SPAM1: variants seen among roughly 807,000 people sequenced by gnomAD.
SPAM1 encodes the protein sperm adhesion molecule 1.
In SPAM1, 22 loss-of-function variants were observed where a neutral mutation model predicts 29.6. The observed-to-expected ratio is 0.74, with a 90% CI of 0.53 to 1.06. The LOEUF (loss-of-function observed/expected upper bound fraction) is 1.06, where lower values mean the gene tolerates loss of function less well. Among genes scored for constraint, SPAM1 ranks in the 50% least tolerant of loss-of-function variants. The pLI is 0.00. For synonymous variants in SPAM1, 194 were observed against 204.6 expected, an observed-to-expected ratio of 0.95 and a Z score of 0.44; for missense variants, 534 against 604.0, an observed-to-expected ratio of 0.88 and a Z score of 1.21.
chr7:123,929,911 T>G (rs1808016622), intron 1 of SPAM1, among the ~76,000 whole-genome samples: 1 of 150,528 alleles, frequency 6.6e-6, no homozygotes, highest in African/African-American at 2.4e-5. Context: ...TTTTTTTTTT[T>G]TTTTGAGGAG....
intron 1 of SPAM1, among the ~76,000 whole-genome samples, chr7:123,935,559 G>A (rs773252221): frequency 3.9e-5 from 6 of 152,158 alleles, no homozygotes; most frequent in Non-Finnish European, 8.8e-5. Context: ...GGTATTTACA[G>A]ACATTGCTTA....
intron 1 of SPAM1, among the ~76,000 whole-genome samples, chr7:123,937,079 T>C (rs1808263182): frequency 6.6e-6 from 1 of 152,210 alleles, no homozygotes; most frequent in African/African-American, 2.4e-5. Flanking sequence ...TTAATGTTCT[T>C]AGGCTAGGGG....
At chr7:123,944,994 T>A (rs912439275) in intron 1 of SPAM1, among the ~76,000 whole-genome samples, 1 of 151,800 alleles carries the variant, frequency 6.6e-6, no homozygotes, top group Non-Finnish European at 1.5e-5. Flanking sequence ...TCATATAAAA[T>A]TTTTTTTTCT....
At chr7:123,954,938 C>G in intron 3 of SPAM1, 59 bp from the exon 4 acceptor site, 3 of 1,112,220 alleles carry the variant, frequency 2.7e-6, no homozygotes, top group Non-Finnish European at 4.1e-6. Flanking sequence ...CGTTGCTGTC[C>G]TATGTATAGC....
At position 123,966,253 on chromosome 7, in the gene SPAM1, T is replaced by TA. The variant is rs533825766; in HGVS notation, c.1486-3940dup. ...TCACACCAGTCAGAATGGCAATTAT[T>TA]AAAAAGTCAAGAAACAACAGATGCT... On this transcript the variant is annotated intron_variant, in intron 5 of 6. Coordinates refer to the SPAM1 transcript ENST00000340011. 2.5e-3 allele frequency among the ~76,000 whole-genome samples: 375 copies of TA among 152,080 alleles called. 1 individual carries two copies. The highest frequency in any genetic ancestry group is 8.5e-3 in the African/African-American group (351 of 41,538).
At chr7:123,970,467 A>C (rs1792483391) in intron 6 of SPAM1, among the ~76,000 whole-genome samples, 2 of 151,940 alleles carry the variant, frequency 1.3e-5, no homozygotes, top group African/African-American at 4.8e-5. Context: ...AAGATACTAG[A>C]GTTTAAGGCT....
intron 4 of SPAM1, among the ~76,000 whole-genome samples, chr7:123,956,812 TGGTG>T: frequency 6.6e-6 from 1 of 151,968 alleles, no homozygotes; most frequent in Non-Finnish European, 1.5e-5. Context: ...TGTGTAATGG[TGGTG>T]TACTTGATTC....
At chr7:123,931,622 G>A (rs886124021) in intron 1 of SPAM1, among the ~76,000 whole-genome samples, 3 of 152,122 alleles carry the variant, frequency 2.0e-5, no homozygotes, top group African/African-American at 7.2e-5. Context: ...CTGTCTTTGG[G>A]ACTTCATTCT....
Position 123,954,478 on chromosome 7 carries a change from A to C in SPAM1, c.908A>C (p.Tyr303Ser). 1.2e-6 allele frequency: 2 copies of C among 1,612,482 alleles called. No homozygotes were observed. Among genetic ancestry groups the C allele is most frequent in the Non-Finnish European group, 1.7e-6 (2 of 1,178,946 alleles). Residue 303 changes from tyrosine (Y) to serine (S), a missense_variant, in exon 3 of 5, where the codon TAT becomes TCT. By Grantham distance (144) the Tyr-to-Ser change is moderately radical. Transcript: ENST00000682466. ...AAAAGTCCACTTCCGGTTTTTGCAT[A>C]TACCCGCATAGTTTTTACTGATCAA... ...DAKSPLPVFA[Y>S]TRIVFTDQVL... is the part of the protein sequence containing the mutation.
intron 5 of SPAM1, among the ~76,000 whole-genome samples, chr7:123,965,820 T>C (rs1792417187): frequency 6.6e-6 from 1 of 152,078 alleles, no homozygotes; most frequent in African/African-American, 2.4e-5. Flanking sequence ...TTAAAATAGT[T>C]TTTTCTAATT....
At chr7:123,931,435 C>T (rs996918107) in intron 1 of SPAM1, among the ~76,000 whole-genome samples, 4 of 152,146 alleles carry the variant, frequency 2.6e-5, no homozygotes, top group Non-Finnish European at 4.4e-5. Context: ...CTGTCCCATA[C>T]CTAGAAGGAA....
chr7:123,960,725 CA>C (rs1255410173), downstream of SPAM1, among the ~76,000 whole-genome samples: 7 of 151,760 alleles, frequency 4.6e-5, no homozygotes, highest in African/African-American at 1.7e-4. Flanking sequence ...ATTCCAAATC[CA>C]TTCGGCTAGG....
chr7:123,948,958 C>G (rs1187405375), intron 1 of SPAM1, among the ~76,000 whole-genome samples: 2 of 146,156 alleles, frequency 1.4e-5, no homozygotes, highest in Non-Finnish European at 3.0e-5. Context: ...GAGGACTAAG[C>G]CAAGAAATTT....
chr7:123,946,978 C>T (rs2117047781), intron 1 of SPAM1, among the ~76,000 whole-genome samples: 1 of 152,226 alleles, frequency 6.6e-6, no homozygotes, highest in East Asian at 1.9e-4. Context: ...GTTTGCCTGA[C>T]ATAGTTTCTA....
chr7:123,943,314 ATCC>A (rs796859168), intron 1 of SPAM1, among the ~76,000 whole-genome samples: 1 of 152,248 alleles, frequency 6.6e-6, no homozygotes, highest in South Asian at 2.1e-4. Flanking sequence ...ACCCGTCAGA[ATCC>A]TATGCTGGTT....
At chr7:123,936,956 C>T (rs1452411825) in intron 1 of SPAM1, among the ~76,000 whole-genome samples, 1 of 152,172 alleles carries the variant, frequency 6.6e-6, no homozygotes, top group Non-Finnish European at 1.5e-5. Flanking sequence ...AACTCTTCCT[C>T]CTCCCACCTC....
intron 5 of SPAM1, among the ~76,000 whole-genome samples, chr7:123,966,570 A>G (rs765909698): frequency 2.0e-5 from 3 of 152,120 alleles, no homozygotes; most frequent in African/African-American, 4.8e-5. Context: ...CATATACACC[A>G]TGGAATACTA....
intron 1 of SPAM1, 180 bp downstream of exon 1, chr7:123,925,532 G>T (rs1807850147): frequency 2.0e-5 from 3 of 152,156 alleles, no homozygotes; most frequent in Admixed American, 2.0e-4. Context: ...CAGAGATTTT[G>T]TGAGTGAGTG....
chr7:123,968,078 G>A (rs73228009), intron 5 of SPAM1, among the ~76,000 whole-genome samples: 19,003 of 151,984 alleles, frequency 0.13, 1,281 homozygotes, highest in South Asian at 0.15. Flanking sequence ...AGCCTAGGAA[G>A]GTTCTTGGCT....
Sources: gnomAD v4.1 joint callset for allele counts (sites outside exome capture counted in the v4.1 genomes callset) on GRCh38, gnomAD v4.1.1 for gene constraint, MANE v1.5 for transcripts, NCBI Gene and HGNC (gene_info 2026-07-23, HGNC 2026-07-21) for gene names.